Variants in D2HGDH observed in about 807,000 individuals in gnomAD.
D2HGDH encodes the protein D-2-hydroxyglutarate dehydrogenase, mitochondrial.
Under a neutral mutation model 46.9 loss-of-function variants are expected in D2HGDH, and 31 were observed. The observed-to-expected ratio is 0.66, with a 90% CI of 0.50 to 0.89. The LOEUF is 0.89. Ranked by LOEUF, D2HGDH falls within the 40% of genes least tolerant of loss-of-function variation. The pLI is 0.00. For synonymous variants in D2HGDH, 364 were observed against 332.6 expected, an observed-to-expected ratio of 1.09 and a Z score of -1.03; for missense variants, 698 against 720.8, an observed-to-expected ratio of 0.97 and a Z score of 0.36.
chr2:241,764,199 G>C (rs1383429064), intron 9 of D2HGDH, among the ~76,000 whole-genome samples: 2 of 152,186 alleles, frequency 1.3e-5, no homozygotes, highest in African/African-American at 4.8e-5. Flanking sequence ...CGGGGACTGG[G>C]GGGCGACGGG....
chr2:241,750,297 A>T lies in D2HGDH; in HGVS notation c.997+3A>T. ...CCACCTGGCCAGCCCGGTGCAAGGT[A>T]CTGACCCCCCACACAGGGGGCAGCT... On this transcript the variant is annotated splice_donor_region_variant and intron_variant, in intron 7 of 9. Transcript: ENST00000321264. The T allele has an allele frequency of 6.2e-7, 1 of 1,604,272 alleles. No homozygotes were observed. Among genetic ancestry groups the T allele is most frequent in the Non-Finnish European group, 8.5e-7 (1 of 1,175,108 alleles).
Position 241,768,747 on chromosome 2 carries a change from C to T in D2HGDH, c.*778C>T, listed in dbSNP as rs6746151. On this transcript the variant is annotated 3_prime_UTR_variant, in exon 10 of 10. Coordinates refer to ENST00000321264, the MANE Select transcript of D2HGDH (RefSeq NM_152783.5). ...TGCCCTGGGCAGCGGATGGGCTGGG[C>T]GATGCAGCTGGATGCACATCTCATT... The T allele has an allele frequency of 0.16, 24,240 of 152,194 alleles. 2,193 individuals carry two copies. The highest frequency in any genetic ancestry group is 0.3 in the East Asian group (1,529 of 5,160). 9.4% of individuals were successfully genotyped at this position (152,194 alleles called of 1,614,324 possible). A position where few individuals can be genotyped will look rare whatever the true frequency, so the allele number is the denominator to read the frequency against.
intron 5 of D2HGDH, among the ~76,000 whole-genome samples, chr2:241,744,122 G>C (rs1247456521): frequency 1.3e-5 from 2 of 152,184 alleles, no homozygotes; most frequent in African/African-American, 2.4e-5. Flanking sequence ...GTGAAGGAAG[G>C]CTCATCCAGG....
At chr2:241,744,122 G>T (rs1247456521) in intron 5 of D2HGDH, among the ~76,000 whole-genome samples, 1 of 152,184 alleles carries the variant, frequency 6.6e-6, no homozygotes, top group African/African-American at 2.4e-5. Context: ...GTGAAGGAAG[G>T]CTCATCCAGG....
chr2:241,767,934 C>A lies in D2HGDH; in HGVS notation c.1531C>A (p.Leu511Ile). The A allele has an allele frequency of 6.3e-7, 1 of 1,599,968 alleles. No individual in the cohort carries two copies. Among genetic ancestry groups the A allele is most frequent in the Non-Finnish European group, 8.5e-7 (1 of 1,174,740 alleles). ...LKALLDPKGI[L>I]NPYKTLPSQA ...GGCCCTGCTGGACCCCAAGGGCATC[C>A]TCAACCCCTACAAGACGCTGCCCAG... Residue 511 changes from leucine to isoleucine, a missense_variant, in exon 10 of 10, where the codon CTC (leucine) becomes ATC (isoleucine). Leu to Ile is a conservative substitution (Grantham distance 5). Transcript: ENST00000321264.
chr2:241,738,181 A>G (rs1382493029), intron 2 of D2HGDH, among the ~76,000 whole-genome samples: 1 of 152,106 alleles, frequency 6.6e-6, no homozygotes, highest in Non-Finnish European at 1.5e-5. Flanking sequence ...CGAAGTAAGG[A>G]CCCCTCTGGG....
intron 8 of D2HGDH, chr2:241,755,229 TTCCC>T (rs772312606): frequency 4.2e-5 from 46 of 1,088,646 alleles, no homozygotes; most frequent in Non-Finnish European, 5.3e-5. Flanking sequence ...CACCGTGTCC[TTCCC>T]TCCCCCGTGG....
intron 2 of D2HGDH, among the ~76,000 whole-genome samples, chr2:241,736,814 C>T (rs1692995295): frequency 6.6e-6 from 1 of 152,140 alleles, no homozygotes; most frequent in Non-Finnish European, 1.5e-5. Flanking sequence ...GTGCCCGCCA[C>T]CATGCCCGGC....
intron 9 of D2HGDH, among the ~76,000 whole-genome samples, chr2:241,765,324 C>T (rs1451500971): frequency 7.2e-4 from 79 of 109,910 alleles, no homozygotes; most frequent in African/African-American, 2.4e-3. Context: ...ATGGGAGCCC[C>T]GGGCTGAGGG....
chr2:241,764,786 G>A (rs190662528), intron 9 of D2HGDH, among the ~76,000 whole-genome samples: 1 of 152,232 alleles, frequency 6.6e-6, no homozygotes, highest in Non-Finnish European at 1.5e-5. Context: ...TGCGTTAAAA[G>A]CCGCTGTCCT....
rs1694760766 is a variant in D2HGDH, at chr2:241,742,531, C to T, written c.447C>T (p.Ser149=). The T allele has an allele frequency of 6.2e-7, 1 of 1,614,130 alleles. No individual in the cohort carries two copies. The highest frequency in any genetic ancestry group is 8.5e-7 in the Non-Finnish European group (1 of 1,180,014). Residue 149 remains serine (S), a synonymous_variant, in exon 4 of 10, where the codon TCC becomes TCT. Transcript: ENST00000321264. This position sits in a 1 kb window ranked among gnomAD's most constrained non-coding sequence, Gnocchi z 4.8. The part of the protein sequence containing the change: ...SVPVFDEIIL[S]TARMNRVLSF... ...CCGTCTTTGACGAGATCATCCTCTCCACTGCCCGCATGAACCGGGTCCTCA... is the reference window on the plus strand; with the variant it reads ...CCGTCTTTGACGAGATCATCCTCTCTACTGCCCGCATGAACCGGGTCCTCA...
intron 7 of D2HGDH, among the ~76,000 whole-genome samples, 166 bp from the exon 8 acceptor site, chr2:241,751,080 T>C (rs1477386300): frequency 6.6e-6 from 1 of 152,230 alleles, no homozygotes; most frequent in Non-Finnish European, 1.5e-5. Flanking sequence ...TTAAACCTTC[T>C]GAAAGTCAGC....
rs761805138 is a variant in D2HGDH at position 241,768,230 on chromosome 2, C to T, written c.*261C>T. On this transcript the variant is annotated 3_prime_UTR_variant, in exon 10 of 10. Coordinates refer to ENST00000321264, the MANE Select transcript of D2HGDH (RefSeq NM_152783.5). ...AGCCATCCTGGACAGGCCGGGGTGG[C>T]GGCAGCTTTGCCCACGTGGAAGCGG... is the stretch of plus-strand genomic sequence containing the variant. The T allele has an allele frequency of 2.4e-5, 13 of 548,514 alleles. No individual in the cohort carries two copies. The highest frequency in any genetic ancestry group is 1.6e-4 in the East Asian group (5 of 31,812). The allele number at this position is 548,514 out of a possible 1,614,324, so 34.0% of individuals were successfully genotyped here. A position where few individuals can be genotyped will look rare whatever the true frequency, so the allele number is the denominator to read the frequency against.
At chr2:241,750,987 A>G (rs1174219179) in intron 7 of D2HGDH, among the ~76,000 whole-genome samples, 1 of 152,090 alleles carries the variant, frequency 6.6e-6, no homozygotes, top group African/African-American at 2.4e-5. Flanking sequence ...CGAACTCGTG[A>G]CCTCAGGTGA....
intron 7 of D2HGDH, among the ~76,000 whole-genome samples, chr2:241,750,874 C>T (rs1168069035): frequency 6.6e-6 from 1 of 152,192 alleles, no homozygotes; most frequent in Non-Finnish European, 1.5e-5. Context: ...TCTCCTGCCT[C>T]AGCCTCCTGA....
chr2:241,736,822 G>A lies in D2HGDH; in HGVS notation c.292+1306G>A, dbSNP rs144221318. Among the ~76,000 whole-genome samples, 1,266 of 151,856 alleles carry A rather than the reference G, an allele frequency of 8.3e-3. 50 individuals are homozygous for A. The highest frequency in any genetic ancestry group is 0.05 in the East Asian group (257 of 5,150). On this transcript the variant is annotated intron_variant, in intron 2 of 9. Coordinates refer to ENST00000321264, the MANE Select transcript of D2HGDH (RefSeq NM_152783.5). Reference sequence around the variant, plus strand: ...ATTACAGGTGCCCGCCACCATGCCCGGCTAATTTTTGTATTTTTAGTAGAG... The same window carrying A: ...ATTACAGGTGCCCGCCACCATGCCCAGCTAATTTTTGTATTTTTAGTAGAG...
In D2HGDH at chr2:241,743,925, C is replaced by G. The variant is rs1695183990; in HGVS notation, c.684+110C>G. 4 of 1,277,716 alleles carry G rather than the reference C, an allele frequency of 3.1e-6. No homozygotes were observed. The highest frequency in any genetic ancestry group is 3.3e-6 in the Non-Finnish European group (3 of 916,610). The allele number at this position is 1,277,716 out of a possible 1,614,324, so 79.1% of individuals were successfully genotyped here. On this transcript the variant is annotated intron_variant, in intron 5 of 9. Transcript: ENST00000321264. This position sits in a 1 kb window ranked among gnomAD's most constrained non-coding sequence, Gnocchi z 4.8. ...CATGGGGCCCCTCGGGGTGGGAGGT[C>G]TTGGTTCCTGGCCCTGGGCCCCTCA...
intron 9 of D2HGDH, among the ~76,000 whole-genome samples, chr2:241,762,331 A>G (rs775917487): frequency 1.3e-5 from 2 of 152,018 alleles, no homozygotes; most frequent in African/African-American, 2.4e-5. Flanking sequence ...CAGTCTCCCA[A>G]AGTGCTGAGA....
At chr2:241,756,602 A>G (rs1051901120) in intron 9 of D2HGDH, among the ~76,000 whole-genome samples, 1 of 151,906 alleles carries the variant, frequency 6.6e-6, no homozygotes, top group African/African-American at 2.4e-5. Flanking sequence ...GCTCACTGCA[A>G]CCTCCATCTT....
Sources: gnomAD v4.1 joint callset for allele counts (sites outside exome capture counted in the v4.1 genomes callset) on GRCh38, gnomAD v4.1.1 for gene constraint, Gnocchi (gnomAD v3.1) non-coding constraint, MANE v1.5 for transcripts, NCBI Gene and HGNC (gene_info 2026-07-23, HGNC 2026-07-21) for gene names.